The following WDR83 variants were observed in gnomAD, a reference collection of about 807,000 sequenced individuals.
WDR83 encodes WD repeat domain 83, also known as WD repeat domain-containing protein 83.
Under a neutral mutation model 37.7 loss-of-function variants are expected in WDR83, and 37 were observed. That is an observed-to-expected ratio of 0.98 (90% confidence interval 0.76 to 1.29). The LOEUF is 1.29. Ranked by LOEUF, WDR83 falls within the 50% of genes most tolerant of loss-of-function variation. WDR83 has a pLI of 0.00. For synonymous variants in WDR83, 174 were observed against 181.1 expected (o/e 0.96, Z 0.31); for missense variants, 445 against 414.4 (o/e 1.07, Z -0.64).
intron 10 of WDR83, among the ~76,000 whole-genome samples, chr19:12,673,565 G>A (rs932538740): frequency 2.6e-5 from 4 of 151,792 alleles, no homozygotes; most frequent in East Asian, 1.9e-4. Context: ...TTATAGGTGC[G>A]TGCCACCACA....
chr19:12,667,602 G>A (rs969415169), intron 1 of WDR83, among the ~76,000 whole-genome samples: 3 of 152,214 alleles, frequency 2.0e-5, no homozygotes, highest in Admixed American at 6.5e-5. Flanking sequence ...GCAGTGAGCC[G>A]AGATCAAGAT....
Position 12,669,987 on chromosome 19 carries a change from T to G in WDR83, c.114T>G (p.Asn38Lys), listed in dbSNP as rs200525749. ...VRAVRFNVDG[N>K]YCLTCGSDKT... ...CCTGGTGTTCCCCAGTGGATGGCAA[T>G]TACTGCCTGACGTGCGGCAGTGACA... The change falls in exon 4 of 11, where the codon AAT becomes AAG. Residue 38 changes from asparagine (N) to lysine (K), a missense_variant. Physicochemically the swap from Asn to Lys is moderately conservative, Grantham distance 94. Coordinates refer to ENST00000418543, the MANE Select transcript of WDR83 (RefSeq NM_001099737.3). The G allele has an allele frequency of 6.5e-5, 104 of 1,610,608 alleles. No homozygotes were observed. The highest frequency in any genetic ancestry group is 8.3e-5 in the Non-Finnish European group (98 of 1,177,302).
chr19:12,668,613 T>C lies in WDR83; in HGVS notation c.-51T>C. 9.9e-6 allele frequency: 16 copies of C among 1,613,882 alleles called. No homozygotes were observed. The highest frequency in any genetic ancestry group is 1.4e-5 in the Non-Finnish European group (16 of 1,179,944). On this transcript the variant is annotated 5_prime_UTR_variant, in exon 2 of 11. Transcript: ENST00000418543. The stretch of plus-strand genomic sequence containing the variant: ...GTAGACAGCGACCCAAGCACACCAC[T>C]TCAGCTAGGGAAAGGTAAGTGGGTG...
At chr19:12,670,539 T>G (rs1456531304) in intron 5 of WDR83, 24 bp from the exon 6 acceptor site, 2 of 1,614,052 alleles carry the variant, frequency 1.2e-6, no homozygotes, top group Non-Finnish European at 1.7e-6. Context: ...TCCAGCCTCC[T>G]CTGAGTGGCA....
At position 12,675,564 on chromosome 19, in the gene WDR83, G is replaced by A. The variant is rs1334019065; in HGVS notation, c.840G>A (p.Val280=). ...ALALPVGSGV[V]QSLAYHPTEP... is the part of the protein sequence containing the mutation. ...CCCTGCCTGTGGGTTCCGGTGTGGT[G>A]CAGTCGCTGGCCTACCACCCAACAG... Residue 280 remains valine, a synonymous_variant, in exon 11 of 11, where the codon GTG becomes GTA. Transcript: ENST00000418543. 1.9e-6 allele frequency: 3 copies of A among 1,606,056 alleles called. No homozygotes were observed. Among genetic ancestry groups the A allele is most frequent in the East Asian group, 2.2e-5 (1 of 44,876 alleles).
rs145708217 is a variant in WDR83 at position 12,671,006 on chromosome 19, C to T, written c.506+185C>T. On this transcript the variant is annotated intron_variant, in intron 7 of 10. Transcript: ENST00000418543. ...GTTCGAGGCACCATTGCACTCCATGCTGGGTGAAAGACAGACTGTCTACAA... is the reference window on the plus strand; with the variant it reads ...GTTCGAGGCACCATTGCACTCCATGTTGGGTGAAAGACAGACTGTCTACAA... 2,789 of 844,556 alleles carry T rather than the reference C, an allele frequency of 3.3e-3. 3 individuals are homozygous for T. The highest frequency in any genetic ancestry group is 4.4e-3 in the Non-Finnish European group (2,470 of 565,426). The allele number at this position is 844,556 out of a possible 1,614,324, so 52.3% of individuals were successfully genotyped here.
intron 10 of WDR83, among the ~76,000 whole-genome samples, chr19:12,674,964 A>G (rs1190079795): frequency 6.6e-6 from 1 of 151,946 alleles, no homozygotes; most frequent in Non-Finnish European, 1.5e-5. Context: ...AAATACAAAA[A>G]TTAGCTGGGC....
chr19:12,673,197 C>CTTAG lies in WDR83; in HGVS notation c.684-4_684-1dup. On this transcript the variant is annotated splice_region_variant and splice_polypyrimidine_tract_variant and intron_variant, in intron 9 of 10. Coordinates refer to ENST00000418543, the MANE Select transcript of WDR83 (RefSeq NM_001099737.3). ...ACCAAGCCCCCCGATCCTGTCCACC[C>CTTAG]TTAGGTACAAGGGCCATAAGAACCA... The CTTAG allele has an allele frequency of 6.2e-7, 1 of 1,614,062 alleles. No individual in the cohort carries two copies. The highest frequency in any genetic ancestry group is 8.5e-7 in the Non-Finnish European group (1 of 1,179,988).
Position 12,672,715 on chromosome 19 carries a change from C to G in WDR83, c.507-132C>G. 5 of 953,648 alleles carry G rather than the reference C, an allele frequency of 5.2e-6. No individual in the cohort carries two copies. In the South Asian group the frequency reaches 7.4e-5, roughly 14 times the overall value. 59.1% of individuals were successfully genotyped at this position (953,648 alleles called of 1,614,324 possible). The stretch of plus-strand genomic sequence containing the variant: ...GACGTAATTGGCCCTGGGCCTGAGT[C>G]TCAAGGCCAGAGCTTCAGAATTCCA... On this transcript the variant is annotated intron_variant, in intron 7 of 10. Transcript: ENST00000418543.
intron 7 of WDR83, among the ~76,000 whole-genome samples, chr19:12,671,626 C>T (rs1339852736): frequency 2.0e-5 from 3 of 151,326 alleles, no homozygotes; most frequent in Admixed American, 1.3e-4. Flanking sequence ...CACTCCTGGG[C>T]GATAGAGCAA....
chr19:12,669,926 TCCCGC>T, intron 3 of WDR83, 33 bp downstream of exon 3: 2 of 1,601,702 alleles, frequency 1.2e-6, no homozygotes, highest in African/African-American at 1.3e-5. Flanking sequence ...CGGGTCCTCC[TCCCGC>T]CTCCTGAGAT....
chr19:12,670,504 C>T, intron 5 of WDR83, 59 bp from the exon 6 acceptor site: 1 of 1,612,902 alleles, frequency 6.2e-7, no homozygotes, highest in Non-Finnish European at 8.5e-7. Flanking sequence ...ACTGGGAACC[C>T]TGCCTTTATC....
chr19:12,670,489 C>A, intron 5 of WDR83, 74 bp from the exon 6 acceptor site: 1 of 1,610,532 alleles, frequency 6.2e-7, no homozygotes, highest in Non-Finnish European at 8.5e-7. Context: ...CTTGCTTTAA[C>A]CGACACTGGG....
chr19:12,675,414 G>A, intron 10 of WDR83, 109 bp from the exon 11 acceptor site: 2 of 1,465,290 alleles, frequency 1.4e-6, no homozygotes, highest in East Asian at 2.4e-5. Context: ...AGGTCGGGGA[G>A]AGGTGACTGA....
chr19:12,669,651 CA>C, intron 2 of WDR83, 103 bp from the exon 3 acceptor site: 1 of 1,039,042 alleles, frequency 9.6e-7, no homozygotes, highest in Non-Finnish European at 1.4e-6. Flanking sequence ...ACCGAAATGC[CA>C]AAATGATGAA....
At chr19:12,675,446 T>C (rs2024545847) in intron 10 of WDR83, 77 bp from the exon 11 acceptor site, 3 of 1,552,086 alleles carry the variant, frequency 1.9e-6, no homozygotes, top group Non-Finnish European at 2.6e-6. Context: ...AGGACTGAGA[T>C]GGGGGGTGCC....
chr19:12,672,215 G>T, intron 7 of WDR83: 1 of 153,954 alleles, frequency 6.5e-6, no homozygotes. Context: ...GGTGGCTGTG[G>T]GGGGTGCAGG....
At chr19:12,671,607 G>A (rs867968705) in intron 7 of WDR83, among the ~76,000 whole-genome samples, 15 of 151,220 alleles carry the variant, frequency 9.9e-5, no homozygotes, top group Admixed American at 5.9e-4. Flanking sequence ...AGCCGACATC[G>A]CACCACTACA....
chr19:12,668,326 C>T (rs759481707), intron 1 of WDR83, 182 bp from the exon 2 acceptor site: 3 of 1,592,748 alleles, frequency 1.9e-6, no homozygotes, highest in Admixed American at 1.8e-5. Flanking sequence ...AGTGGATAGA[C>T]AGGGTCCAAA....
Sources: gnomAD v4.1 joint callset for allele counts (sites outside exome capture counted in the v4.1 genomes callset) on GRCh38, gnomAD v4.1.1 for gene constraint, MANE v1.5 for transcripts, NCBI Gene and HGNC (gene_info 2026-07-23, HGNC 2026-07-21) for gene names.